Variants in ANKRD33B observed in about 807,000 individuals in gnomAD.
The protein encoded by ANKRD33B is ankyrin repeat domain-containing protein 33B.
In ANKRD33B, 6 loss-of-function variants were observed where a neutral mutation model predicts 21.5. The ratio of observed to expected loss-of-function variants is 0.28; its 90% confidence interval spans 0.15 to 0.55. ANKRD33B has a LOEUF of 0.55. ANKRD33B is among the 20% of genes least tolerant of loss of function. The pLI is 0.94. For missense variants in ANKRD33B, 698 were observed against 747.2 expected, an observed-to-expected ratio of 0.93 and a Z score of 0.77; for synonymous variants, 347 against 342.4, an observed-to-expected ratio of 1.01 and a Z score of -0.15.
At chr5:10,628,422 TC>T (rs1736630547) in intron 2 of ANKRD33B, among the ~76,000 whole-genome samples, 1 of 152,186 alleles carries the variant, frequency 6.6e-6, no homozygotes, top group Admixed American at 6.5e-5. Context: ...TCTCAGGTCA[TC>T]CACCCACTTC....
chr5:10,575,251 C>T (rs1735293543), intron 1 of ANKRD33B, among the ~76,000 whole-genome samples: 1 of 151,916 alleles, frequency 6.6e-6, no homozygotes, highest in African/African-American at 2.4e-5. Flanking sequence ...GGTGAAACCC[C>T]ATCTCTACTG....
rs1015343540 is a variant in ANKRD33B at position 10,656,609 on chromosome 5, A to T, written c.*6496A>T. 6.6e-6 allele frequency: 1 copy of T among 151,996 alleles called. No homozygotes were observed. The highest frequency in any genetic ancestry group is 1.5e-5 in the Non-Finnish European group (1 of 68,022). 9.4% of individuals were successfully genotyped at this position (151,996 alleles called of 1,614,324 possible). On this transcript the variant is annotated 3_prime_UTR_variant, in exon 4 of 4. Transcript: ENST00000296657. ...CATGGCCCGAGGACCCACTGTGAGC[A>T]CTCCGCCCGCTGTGGCACAGAACAC...
At chr5:10,629,094 G>T (rs1290342120) in intron 2 of ANKRD33B, among the ~76,000 whole-genome samples, 1 of 152,154 alleles carries the variant, frequency 6.6e-6, no homozygotes, top group Non-Finnish European at 1.5e-5. Flanking sequence ...CTCATCTAAA[G>T]AGCAGAGCCC....
At chr5:10,582,107 C>G (rs1421031472) in intron 1 of ANKRD33B, among the ~76,000 whole-genome samples, 1 of 152,208 alleles carries the variant, frequency 6.6e-6, no homozygotes, top group East Asian at 1.9e-4. Context: ...CCCCCAGCAT[C>G]TCCTTCTTAA....
intron 1 of ANKRD33B, among the ~76,000 whole-genome samples, chr5:10,591,020 G>C (rs56352837): frequency 0.36 from 54,011 of 151,864 alleles, 11,234 homozygotes; most frequent in East Asian, 0.6. Context: ...AGCTGAAAGT[G>C]AGAGTCCCTG....
chr5:10,616,054 C>G (rs1736276699), intron 1 of ANKRD33B, among the ~76,000 whole-genome samples: 1 of 152,134 alleles, frequency 6.6e-6, no homozygotes, highest in Non-Finnish European at 1.5e-5. Flanking sequence ...GGTGCTTAAG[C>G]TAGATTATAT....
At chr5:10,580,530 G>GT (rs1204183705) in intron 1 of ANKRD33B, among the ~76,000 whole-genome samples, 6 of 152,120 alleles carry the variant, frequency 3.9e-5, no homozygotes, top group Non-Finnish European at 8.8e-5. Context: ...CACCCTTCAG[G>GT]TTTTCTCTAC....
chr5:10,618,213 G>C, intron 1 of ANKRD33B, 120 bp from the exon 2 acceptor site: 6 of 1,335,664 alleles, frequency 4.5e-6, no homozygotes, highest in Non-Finnish European at 6.1e-6. Context: ...GGGACTCCAG[G>C]TCCCTGTCAT....
In ANKRD33B at chr5:10,575,235, C is replaced by T. The variant is rs1001458977; in HGVS notation, c.366+10402C>T. On this transcript the variant is annotated intron_variant, in intron 1 of 3. Transcript: ENST00000296657. ...GTCAAAAGATCAAGACCGTCCTGGC[C>T]AACATGGTGAAACCCCATCTCTACT... Among the ~76,000 whole-genome samples the T allele has an allele frequency of 3.9e-5, 6 of 151,934 alleles. No homozygotes were observed. In the East Asian group the frequency reaches 9.7e-4, roughly 25 times the overall value.
chr5:10,608,084 C>T lies in ANKRD33B; in HGVS notation c.367-10249C>T, dbSNP rs1736088581. On this transcript the variant is annotated intron_variant, in intron 1 of 3. Coordinates refer to ENST00000296657, the MANE Select transcript of ANKRD33B (RefSeq NM_001164440.2). ...CAACAGCAGGCTGAGTACGGGGGCT[C>T]ACGCCTATATTCCTAGGACTTTGGG... 2.6e-5 allele frequency among the ~76,000 whole-genome samples: 4 copies of T among 151,930 alleles called. No homozygotes were observed. The South Asian group carries it at 8.3e-4, about 32-fold the overall frequency.
At chr5:10,606,131 G>A (rs947035243) in intron 1 of ANKRD33B, among the ~76,000 whole-genome samples, 3 of 152,178 alleles carry the variant, frequency 2.0e-5, no homozygotes, top group Non-Finnish European at 2.9e-5. Context: ...AGTTGGCAGA[G>A]GGAATACAGT....
At chr5:10,570,603 G>A (rs1338574092) in intron 1 of ANKRD33B, among the ~76,000 whole-genome samples, 1 of 152,138 alleles carries the variant, frequency 6.6e-6, no homozygotes, top group Non-Finnish European at 1.5e-5. Flanking sequence ...TGTTGCCCAG[G>A]CTGGAGTACA....
intron 1 of ANKRD33B, among the ~76,000 whole-genome samples, chr5:10,590,502 C>A (rs1288867493): frequency 6.6e-6 from 1 of 152,188 alleles, no homozygotes; most frequent in Non-Finnish European, 1.5e-5. Context: ...GCTTATCCAA[C>A]CCCTGGCCTG....
chr5:10,592,861 G>GT (rs1426868386), intron 1 of ANKRD33B, among the ~76,000 whole-genome samples: 15 of 152,112 alleles, frequency 9.9e-5, no homozygotes, highest in Non-Finnish European at 4.4e-5. Flanking sequence ...TGGTAGTGGA[G>GT]TTTTTTGCTG....
chr5:10,579,448 T>G (rs1735395074), intron 1 of ANKRD33B, among the ~76,000 whole-genome samples: 1 of 152,082 alleles, frequency 6.6e-6, no homozygotes, highest in Admixed American at 6.5e-5. Flanking sequence ...ATTTTGAAAT[T>G]CTGTATTTTG....
At chr5:10,644,370 G>A (rs1039571006) in intron 3 of ANKRD33B, among the ~76,000 whole-genome samples, 1 of 152,188 alleles carries the variant, frequency 6.6e-6, no homozygotes. Flanking sequence ...ATTTAAATAG[G>A]TGGCTCTGAG....
chr5:10,564,435 C>T lies in ANKRD33B; in HGVS notation c.-33C>T, dbSNP rs1239699230. The T allele has an allele frequency of 2.7e-5, 28 of 1,055,308 alleles. No individual in the cohort carries two copies. Among genetic ancestry groups the T allele is most frequent in the Admixed American group, 1.1e-4 (2 of 18,462 alleles). 65.4% of individuals were successfully genotyped at this position (1,055,308 alleles called of 1,614,324 possible). ...CCGCGTCCCGCTCTTCCTGCCCGCG[C>T]CCCGGCCCCCGGCCCGCGCCCCGGC... On this transcript the variant is annotated 5_prime_UTR_variant, in exon 1 of 4. Coordinates refer to ENST00000296657, the MANE Select transcript of ANKRD33B (RefSeq NM_001164440.2).
At chr5:10,608,009 A>G (rs1560972129) in intron 1 of ANKRD33B, among the ~76,000 whole-genome samples, 1 of 152,006 alleles carries the variant, frequency 6.6e-6, no homozygotes. Context: ...TTCTAGAAGG[A>G]CTGAGAACTG....
At chr5:10,620,690 C>G (rs1206217657) in intron 2 of ANKRD33B, among the ~76,000 whole-genome samples, 3 of 152,172 alleles carry the variant, frequency 2.0e-5, no homozygotes, top group African/African-American at 7.2e-5. Context: ...GAGTCAGGAG[C>G]ACATCGTATA....
Sources: gnomAD v4.1 joint callset for allele counts (sites outside exome capture counted in the v4.1 genomes callset) on GRCh38, gnomAD v4.1.1 for gene constraint, MANE v1.5 for transcripts, NCBI Gene and HGNC (gene_info 2026-07-23, HGNC 2026-07-21) for gene names.